Variants in GLI2 observed in about 807,000 individuals in gnomAD.
The protein encoded by GLI2 is GLI family zinc finger 2, also known as transcription activator GLI2.
A neutral mutation model predicts 78.9 loss-of-function variants in GLI2; 22 were observed. That is an observed-to-expected ratio of 0.28 (90% CI 0.20 to 0.40). The LOEUF is 0.40. Among genes scored for constraint, GLI2 ranks in the 10% least tolerant of loss-of-function variants. GLI2 has a pLI of 1.00. For missense variants in GLI2, 2,097 were observed against 2,213.2 expected (o/e 0.95, Z 1.05); for synonymous variants, 974 against 963.7 (o/e 1.01, Z -0.20).
intron 2 of GLI2, among the ~76,000 whole-genome samples, chr2:120,876,045 A>G (rs1310219829): frequency 2.0e-5 from 3 of 152,210 alleles, no homozygotes; most frequent in Non-Finnish European, 4.4e-5. Context: ...AATGCTCCTT[A>G]CAAAAATAAA....
chr2:120,857,323 G>C (rs573596640), intron 2 of GLI2, among the ~76,000 whole-genome samples: 34 of 137,024 alleles, frequency 2.5e-4, no homozygotes, highest in African/African-American at 9.4e-4. Context: ...TTACCCATTT[G>C]CCCACCCACC....
chr2:120,781,411 A>T (rs1683843740), intron 1 of GLI2, among the ~76,000 whole-genome samples: 1 of 152,168 alleles, frequency 6.6e-6, no homozygotes, highest in African/African-American at 2.4e-5. Context: ...TCCCATTCTG[A>T]GGCCCGGGAT....
At chr2:120,785,743 A>G (rs1683979470) in intron 1 of GLI2, among the ~76,000 whole-genome samples, 1 of 152,096 alleles carries the variant, frequency 6.6e-6, no homozygotes, top group Non-Finnish European at 1.5e-5. Context: ...CTCCCCTCAC[A>G]TGTCAAAATT....
At chr2:120,928,624 G>C (rs1223368933) in intron 3 of GLI2, among the ~76,000 whole-genome samples, 1 of 152,172 alleles carries the variant, frequency 6.6e-6, no homozygotes, top group African/African-American at 2.4e-5. Flanking sequence ...CCATCCCAGT[G>C]AAGTCAGTCA....
chr2:120,839,676 C>T lies in GLI2; in HGVS notation c.148+42208C>T, dbSNP rs988850357. Among the ~76,000 whole-genome samples the T allele has an allele frequency of 2.0e-5, 3 of 152,216 alleles. No homozygotes were observed. The East Asian group carries it at 5.8e-4, about 29-fold the overall frequency. On this transcript the variant is annotated intron_variant, in intron 2 of 13. Transcript: ENST00000361492. ...CTCCCAGGTTCAAGAGATTCTCCCG[C>T]CTCAGCCACCCGAGTAGCTGGGATT...
chr2:120,776,555 A>G (rs1417490409), intron 1 of GLI2, among the ~76,000 whole-genome samples: 1 of 151,438 alleles, frequency 6.6e-6, no homozygotes, highest in Non-Finnish European at 1.5e-5. Context: ...GTGGGGTCTG[A>G]TTGGTTGGGG....
intron 2 of GLI2, among the ~76,000 whole-genome samples, chr2:120,879,531 A>G (rs766823285): frequency 6.6e-6 from 1 of 152,156 alleles, no homozygotes; most frequent in Non-Finnish European, 1.5e-5. Flanking sequence ...CAGCATGAGC[A>G]GTTAGGAGGA....
At chr2:120,767,682 C>A (rs974742321) in intron 1 of GLI2, among the ~76,000 whole-genome samples, 1 of 152,240 alleles carries the variant, frequency 6.6e-6, no homozygotes, top group Admixed American at 6.5e-5. Flanking sequence ...GCCCAGCCCC[C>A]ACTGCCTCGC....
intron 11 of GLI2, among the ~76,000 whole-genome samples, chr2:120,983,169 C>T (rs140488550): frequency 6.6e-6 from 1 of 152,122 alleles, no homozygotes; most frequent in African/African-American, 2.4e-5. Flanking sequence ...TAATAGTGCC[C>T]TCCCCAAAGG....
intron 2 of GLI2, among the ~76,000 whole-genome samples, chr2:120,803,144 C>G (rs944088890): frequency 9.2e-5 from 14 of 152,216 alleles, no homozygotes; most frequent in African/African-American, 3.4e-4. Flanking sequence ...AGGGCACTTC[C>G]TGGATAGTAG....
chr2:120,944,656 A>T (rs1363892651), intron 3 of GLI2, among the ~76,000 whole-genome samples: 1 of 152,170 alleles, frequency 6.6e-6, no homozygotes, highest in Non-Finnish European at 1.5e-5. Context: ...GGACCATTAG[A>T]CATGTCAGTG....
chr2:120,848,015 C>T (rs915179699), intron 2 of GLI2, among the ~76,000 whole-genome samples: 1 of 152,200 alleles, frequency 6.6e-6, no homozygotes, highest in African/African-American at 2.4e-5. Flanking sequence ...CTCAGAGCAG[C>T]CCTTGTGAGC....
intron 1 of GLI2, among the ~76,000 whole-genome samples, chr2:120,796,581 G>A (rs1042667899): frequency 9.2e-5 from 14 of 152,182 alleles, no homozygotes; most frequent in Non-Finnish European, 2.1e-4. Flanking sequence ...CCCCAGAGAG[G>A]CCTGGCAGCG....
At chr2:120,958,230 G>A (rs535565351) in intron 5 of GLI2, among the ~76,000 whole-genome samples, 3 of 152,196 alleles carry the variant, frequency 2.0e-5, no homozygotes, top group Admixed American at 6.5e-5. Flanking sequence ...GATGGCACAT[G>A]TGAGCCTGGC....
At chr2:120,987,479 TGCCCAAC>T (rs1174196521) in intron 13 of GLI2, among the ~76,000 whole-genome samples, 3 of 152,078 alleles carry the variant, frequency 2.0e-5, no homozygotes, top group African/African-American at 7.2e-5. Context: ...CTCAGAGAGG[TGCCCAAC>T]TCAGGGCAGC....
At chr2:120,843,348 T>C (rs752274077) in intron 2 of GLI2, among the ~76,000 whole-genome samples, 1 of 152,246 alleles carries the variant, frequency 6.6e-6, no homozygotes, top group Non-Finnish European at 1.5e-5. Flanking sequence ...GAGGTAGTGC[T>C]GTTCAGAGCT....
At chr2:120,783,860 C>G (rs987270625) in intron 1 of GLI2, among the ~76,000 whole-genome samples, 12 of 152,224 alleles carry the variant, frequency 7.9e-5, no homozygotes, top group African/African-American at 2.9e-4. Flanking sequence ...CTCTTGAAAA[C>G]TAGCAAGCTT....
At chr2:120,756,548 C>T (rs1683038971) in intron 1 of GLI2, among the ~76,000 whole-genome samples, 1 of 152,014 alleles carries the variant, frequency 6.6e-6, no homozygotes, top group Non-Finnish European at 1.5e-5. Context: ...TACAATGTTG[C>T]CTAGAGGTAG....
intron 2 of GLI2, among the ~76,000 whole-genome samples, chr2:120,917,656 G>C (rs1377659536): frequency 2.0e-5 from 3 of 152,278 alleles, no homozygotes; most frequent in Admixed American, 1.3e-4. Context: ...GCCTTCATGA[G>C]ATGTCATAGG....
Sources: gnomAD v4.1 joint callset for allele counts (sites outside exome capture counted in the v4.1 genomes callset) on GRCh38, gnomAD v4.1.1 for gene constraint, MANE v1.5 for transcripts, NCBI Gene and HGNC (gene_info 2026-07-23, HGNC 2026-07-21) for gene names.